Variants in ZNF775 observed in about 807,000 individuals in gnomAD.
The protein encoded by ZNF775 is zinc finger protein 775.
Under a neutral mutation model 2.4 loss-of-function variants are expected in ZNF775, and 1 was observed. That is an observed-to-expected ratio of 0.41 (90% CI 0.15 to 1.94). The LOEUF is 1.94. Ranked by LOEUF, ZNF775 falls within the 30% of genes most tolerant of loss-of-function variation. The pLI is 0.30. For missense variants in ZNF775, 823 were observed against 826.6 expected (o/e 1.00, Z 0.05); for synonymous variants, 381 against 373.3 (o/e 1.02, Z -0.24).
rs543110024 is a variant in ZNF775, at chr7:150,384,241, G to T, written c.-49-4181G>T. On this transcript the variant is annotated intron_variant, in intron 1 of 2. Transcript: ENST00000329630. This position sits in a 1 kb window ranked among gnomAD's most constrained non-coding sequence, Gnocchi z 4.1. ...CAGAGAGGAAAGGTGGTCCGGTAGG[G>T]GCCCGGGGGCCCTTGTGCGATAGAC... is the stretch of plus-strand genomic sequence containing the variant. 6.6e-6 allele frequency among the ~76,000 whole-genome samples: 1 copy of T among 152,226 alleles called. No homozygotes were observed. Among genetic ancestry groups the T allele is most frequent in the Non-Finnish European group, 1.5e-5 (1 of 68,028 alleles).
chr7:150,396,318 ACT>A (rs2116476259), intron 2 of ZNF775, among the ~76,000 whole-genome samples, 193 bp from the exon 3 acceptor site: 1 of 150,898 alleles, frequency 6.6e-6, no homozygotes, highest in South Asian at 2.1e-4. Context: ...TGCCTTCCCG[ACT>A]CTTTTTTCTT....
chr7:150,389,127 T>C (rs1331446497), intron 2 of ZNF775, among the ~76,000 whole-genome samples: 2 of 152,234 alleles, frequency 1.3e-5, no homozygotes, highest in Non-Finnish European at 2.9e-5. Context: ...CCCTGTCGCA[T>C]GTGGCGTGTG....
At chr7:150,392,545 ATCTCTCTCTCTCTC>A (rs56067146) in intron 2 of ZNF775, among the ~76,000 whole-genome samples, 10 of 136,656 alleles carry the variant, frequency 7.3e-5, no homozygotes, top group South Asian at 2.6e-4. Flanking sequence ...TCCCAAATGG[ATCTCTCTCTCTCTC>A]TCTCTCTCTC....
chr7:150,388,396 CTT>C, intron 1 of ZNF775, 24 bp from the exon 2 acceptor site: 1 of 1,540,582 alleles, frequency 6.5e-7, no homozygotes, highest in South Asian at 1.2e-5. Flanking sequence ...GGCCCATTCT[CTT>C]TCTTCTGCTT....
intron 2 of ZNF775, among the ~76,000 whole-genome samples, chr7:150,392,724 A>T (rs1800581227): frequency 1.3e-5 from 2 of 152,250 alleles, no homozygotes; most frequent in African/African-American, 2.4e-5. Context: ...TTATACAGAC[A>T]GGTGTTGCTA....
In ZNF775 at chr7:150,382,892, A is replaced by G. The variant is rs1309685369; in HGVS notation, c.-50+3500A>G. The G allele has an allele frequency of 1.4e-5, 2 of 147,696 alleles. No homozygotes were observed. Among genetic ancestry groups the G allele is most frequent in the Non-Finnish European group, 2.9e-5 (2 of 67,978 alleles). 9.1% of individuals were successfully genotyped at this position (147,696 alleles called of 1,614,324 possible). On this transcript the variant is annotated intron_variant, in intron 1 of 2. Coordinates refer to ENST00000329630, the MANE Select transcript of ZNF775 (RefSeq NM_173680.4). The surrounding 1 kb of genome is among the most constrained non-coding windows in gnomAD (Gnocchi z 4.6). ...AGCAAGTGACCCTGATGGGATGGCC[A>G]TGGGTGTACAAGGATACTTGTGTCA... is the stretch of plus-strand genomic sequence containing the variant.
chr7:150,389,754 C>T lies in ZNF775; in HGVS notation c.31+1253C>T, dbSNP rs377506861. Reference sequence around the variant, plus strand: ...CTAGACTCCTGGAGACACGGAGGCACGTGGGGACTGGCCTCTGGCCAGACT... The same window carrying T: ...CTAGACTCCTGGAGACACGGAGGCATGTGGGGACTGGCCTCTGGCCAGACT... On this transcript the variant is annotated intron_variant, in intron 2 of 2. Coordinates refer to ENST00000329630, the MANE Select transcript of ZNF775 (RefSeq NM_173680.4). 6.1e-4 allele frequency among the ~76,000 whole-genome samples: 93 copies of T among 152,276 alleles called. 1 individual carries two copies. Among genetic ancestry groups the T allele is most frequent in the African/African-American group, 1.9e-3 (77 of 41,544 alleles).
chr7:150,382,748 C>T lies in ZNF775; in HGVS notation c.-50+3356C>T, dbSNP rs1243121216. 1.3e-5 allele frequency: 2 copies of T among 152,530 alleles called. No homozygotes were observed. Among genetic ancestry groups the T allele is most frequent in the Admixed American group, 1.3e-4 (2 of 15,296 alleles). 9.4% of individuals were successfully genotyped at this position (152,530 alleles called of 1,614,324 possible). ...GTAACGTCTCTCCAGCCAGCTGCAG[C>T]TCCTGCTGACTTATCCCACCCCAGC... On this transcript the variant is annotated intron_variant, in intron 1 of 2. Transcript: ENST00000329630. The surrounding 1 kb of genome is among the most constrained non-coding windows in gnomAD (Gnocchi z 4.6).
chr7:150,396,069 A>C (rs1800643364), intron 2 of ZNF775, among the ~76,000 whole-genome samples: 2 of 152,180 alleles, frequency 1.3e-5, no homozygotes, highest in South Asian at 4.1e-4. Flanking sequence ...TCTTAGAAAA[A>C]GAATGGTATG....
chr7:150,381,140 A>G (rs1192468578), intron 1 of ZNF775, among the ~76,000 whole-genome samples: 1 of 151,716 alleles, frequency 6.6e-6, no homozygotes, highest in Non-Finnish European at 1.5e-5. Context: ...ATGTAAGTGC[A>G]GCTCTCGCCT....
intron 2 of ZNF775, among the ~76,000 whole-genome samples, chr7:150,389,380 C>T (rs1220971880): frequency 1.3e-5 from 2 of 152,222 alleles, no homozygotes; most frequent in African/African-American, 2.4e-5. Flanking sequence ...AATCAGGCAG[C>T]GGGGTAAAAG....
intron 2 of ZNF775, among the ~76,000 whole-genome samples, chr7:150,390,839 C>G (rs1242825734): frequency 6.6e-6 from 1 of 152,216 alleles, no homozygotes; most frequent in Non-Finnish European, 1.5e-5. Flanking sequence ...GGCCAGAAGG[C>G]TCTCCACACT....
rs1022681826 is a variant in ZNF775, at chr7:150,384,271, C to T, written c.-49-4151C>T. On this transcript the variant is annotated intron_variant, in intron 1 of 2. Coordinates refer to ENST00000329630, the MANE Select transcript of ZNF775 (RefSeq NM_173680.4). This position sits in a 1 kb window ranked among gnomAD's most constrained non-coding sequence, Gnocchi z 4.1. Reference sequence around the variant, plus strand: ...GGGGGCCCTTGTGCGATAGACAAAGCGGCCTTCCAAGACTTGGTGTGGGCA... The same window carrying T: ...GGGGGCCCTTGTGCGATAGACAAAGTGGCCTTCCAAGACTTGGTGTGGGCA... Among the ~76,000 whole-genome samples, 1 of 152,246 alleles carries T rather than the reference C, an allele frequency of 6.6e-6. No homozygotes were observed. Among genetic ancestry groups the T allele is most frequent in the African/African-American group, 2.4e-5 (1 of 41,458 alleles).
chr7:150,392,996 A>C (rs1307460442), intron 2 of ZNF775, among the ~76,000 whole-genome samples: 1 of 152,162 alleles, frequency 6.6e-6, no homozygotes, highest in East Asian at 1.9e-4. Flanking sequence ...TTTATTACCT[A>C]AAGTCTGTAG....
chr7:150,395,927 C>T (rs1439011654), intron 2 of ZNF775, among the ~76,000 whole-genome samples: 1 of 152,204 alleles, frequency 6.6e-6, no homozygotes, highest in East Asian at 1.9e-4. Context: ...AAGTGCTCCC[C>T]CGCCATGGCT....
In ZNF775 at chr7:150,398,025, AGC is replaced by A; in HGVS notation, c.1545_1546del (p.His516ProfsTer56). The A allele has an allele frequency of 6.3e-7, 1 of 1,580,664 alleles. No homozygotes were observed. The highest frequency in any genetic ancestry group is 1.1e-5 in the South Asian group (1 of 88,732). On this transcript the variant is annotated frameshift_variant, in exon 3 of 3. Coordinates refer to ENST00000329630, the MANE Select transcript of ZNF775 (RefSeq NM_173680.4). LOFTEE classifies it low-confidence loss of function (END_TRUNC). ...TGCGGCCGCGGCTTCAGCCAGAAGC[AGC>A]ACCTGCTCAAGCACCAGCGCGTGCA...
At chr7:150,387,618 C>T (rs1046053851) in intron 1 of ZNF775, among the ~76,000 whole-genome samples, 13 of 152,164 alleles carry the variant, frequency 8.5e-5, no homozygotes, top group Admixed American at 5.9e-4. Flanking sequence ...TGGAGACCAT[C>T]CTGGCTAACA....
intron 1 of ZNF775, among the ~76,000 whole-genome samples, chr7:150,386,928 A>C (rs966590925): frequency 2.6e-5 from 4 of 152,166 alleles, no homozygotes; most frequent in Non-Finnish European, 4.4e-5. Flanking sequence ...TGGGGAACAG[A>C]AAAGTTAAGA....
chr7:150,383,867 G>T (rs534570914), intron 1 of ZNF775: 1 of 152,734 alleles, frequency 6.5e-6, no homozygotes, highest in African/African-American at 2.4e-5. Context: ...GTGCTGGGCT[G>T]GTGGGAGGTT....
Sources: allele counts gnomAD v4.1 joint callset (sites outside exome capture counted in the v4.1 genomes callset), GRCh38; gene constraint gnomAD v4.1.1; non-coding constraint Gnocchi (gnomAD v3.1); transcripts MANE v1.5; gene names NCBI Gene and HGNC (gene_info 2026-07-23, HGNC 2026-07-21).